Variants in CDH18 observed in about 807,000 individuals in gnomAD.
CDH18 encodes the protein cadherin-18.
A neutral mutation model predicts 67.9 loss-of-function variants in CDH18; 31 were observed. That is an observed-to-expected ratio of 0.46 (90% CI 0.34 to 0.62). CDH18 has a LOEUF of 0.62. Among genes scored for constraint, CDH18 ranks in the 20% least tolerant of loss-of-function variants. CDH18 has a pLI of 0.01. For synonymous variants in CDH18, 362 were observed against 347.2 expected (o/e 1.04, Z -0.48); for missense variants, 890 against 975.5 (o/e 0.91, Z 1.17).
intron 10 of CDH18, among the ~76,000 whole-genome samples, chr5:19,508,865 C>CTTTTTTTTTTTT (rs35438564): frequency 7.8e-6 from 1 of 127,608 alleles, no homozygotes; most frequent in Non-Finnish European, 1.6e-5. Flanking sequence ...TCTTTCTTTT[C>CTTTTTTTTTTTT]TTTTTTTTTT....
At chr5:19,503,132 A>G in intron 10 of CDH18, 23 bp from the exon 11 acceptor site, 1 of 1,201,082 alleles carries the variant, frequency 8.3e-7, no homozygotes, top group African/African-American at 1.5e-5. Context: ...CAAACTCTAA[A>G]TCGTAAATTT....
chr5:19,855,823 A>G (rs1235636142), intron 2 of CDH18, among the ~76,000 whole-genome samples: 5 of 152,334 alleles, frequency 3.3e-5, no homozygotes, highest in South Asian at 2.1e-4. Context: ...AGAAGTTACT[A>G]TATTTGGAAA....
chr5:20,264,949 A>T (rs1744919858), intron 1 of CDH18, among the ~76,000 whole-genome samples: 1 of 152,112 alleles, frequency 6.6e-6, no homozygotes, highest in Non-Finnish European at 1.5e-5. Context: ...TGGCAATAAG[A>T]ACAAAGATTT....
chr5:19,629,977 T>A (rs1436843096), intron 5 of CDH18, among the ~76,000 whole-genome samples: 2 of 152,082 alleles, frequency 1.3e-5, no homozygotes, highest in Non-Finnish European at 2.9e-5. Flanking sequence ...CACTCCATCG[T>A]ACAGGCTGGA....
At chr5:20,492,822 T>A (rs529303902) in intron 1 of CDH18, among the ~76,000 whole-genome samples, 1 of 152,300 alleles carries the variant, frequency 6.6e-6, no homozygotes, top group South Asian at 2.1e-4. Context: ...GCAGAGATAT[T>A]TTGATAACAC....
intron 2 of CDH18, among the ~76,000 whole-genome samples, chr5:19,960,561 ATGTGTGTGTGTG>A (rs146985982): frequency 7.4e-5 from 9 of 121,520 alleles, no homozygotes; most frequent in Admixed American, 6.5e-4. Context: ...GTGTGTGTGT[ATGTGTGTGTGTG>A]TGTGTGTGTG....
intron 1 of CDH18, among the ~76,000 whole-genome samples, chr5:20,569,992 A>C (rs1758717314): frequency 6.6e-6 from 1 of 152,184 alleles, no homozygotes; most frequent in African/African-American, 2.4e-5. Flanking sequence ...ATATTAAAAG[A>C]TCAGTGCTTG....
chr5:20,272,420 A>T (rs544546699), intron 1 of CDH18, among the ~76,000 whole-genome samples: 2 of 152,202 alleles, frequency 1.3e-5, no homozygotes, highest in South Asian at 4.1e-4. Flanking sequence ...GAAGGCTTTG[A>T]CACAGTATGT....
chr5:20,049,926 A>C (rs1048393231), intron 2 of CDH18, among the ~76,000 whole-genome samples: 2 of 151,796 alleles, frequency 1.3e-5, no homozygotes, highest in African/African-American at 4.8e-5. Context: ...AAACAAACTT[A>C]ATTATATTAA....
chr5:19,519,320 C>T (rs966254429), intron 10 of CDH18, among the ~76,000 whole-genome samples: 4 of 152,122 alleles, frequency 2.6e-5, no homozygotes, highest in African/African-American at 9.7e-5. Flanking sequence ...TTTAGCAAGC[C>T]TCACAATTGT....
At chr5:20,085,311 C>T (rs1744847581) in intron 2 of CDH18, among the ~76,000 whole-genome samples, 1 of 152,148 alleles carries the variant, frequency 6.6e-6, no homozygotes, top group African/African-American at 2.4e-5. Flanking sequence ...CACCAAGTCC[C>T]TCATCTCCAT....
chr5:20,212,385 C>A (rs1188281407), intron 2 of CDH18, among the ~76,000 whole-genome samples: 6 of 152,108 alleles, frequency 3.9e-5, no homozygotes, highest in African/African-American at 1.4e-4. Flanking sequence ...ACTTCCCCAA[C>A]CCAGCAAGGC....
chr5:19,766,761 G>C (rs562129830), intron 3 of CDH18, among the ~76,000 whole-genome samples: 3 of 152,044 alleles, frequency 2.0e-5, no homozygotes, highest in Non-Finnish European at 4.4e-5. Context: ...CTTCAAACTA[G>C]ATAGTTTCTA....
chr5:20,150,370 G>A (rs1009402956), intron 2 of CDH18, among the ~76,000 whole-genome samples: 33 of 152,038 alleles, frequency 2.2e-4, no homozygotes, highest in African/African-American at 8.0e-4. Flanking sequence ...ATAAAAAAGA[G>A]ACAGTAACAT....
At chr5:20,422,705 T>A (rs950993085) in intron 1 of CDH18, among the ~76,000 whole-genome samples, 2 of 151,174 alleles carry the variant, frequency 1.3e-5, no homozygotes, top group Non-Finnish European at 2.9e-5. Flanking sequence ...TTCATAACCT[T>A]AATCACAATA....
intron 9 of CDH18, among the ~76,000 whole-genome samples, chr5:19,528,372 A>T (rs1561273538): frequency 1.3e-5 from 2 of 151,688 alleles, no homozygotes; most frequent in Non-Finnish European, 3.0e-5. Flanking sequence ...TTATAAGTTT[A>T]TTCTTTCTTT....
intron 1 of CDH18, among the ~76,000 whole-genome samples, chr5:20,535,429 T>C (rs1322434001): frequency 6.6e-6 from 1 of 152,146 alleles, no homozygotes; most frequent in Non-Finnish European, 1.5e-5. Context: ...TAAGGACCCA[T>C]GTAATTACAT....
intron 1 of CDH18, among the ~76,000 whole-genome samples, chr5:20,438,371 C>T (rs1268766588): frequency 1.3e-5 from 2 of 151,050 alleles, no homozygotes; most frequent in Non-Finnish European, 3.0e-5. Flanking sequence ...TCTATATACC[C>T]CACATCTCTA....
intron 1 of CDH18, among the ~76,000 whole-genome samples, chr5:20,256,183 A>T (rs1744221129): frequency 6.6e-6 from 1 of 152,112 alleles, no homozygotes; most frequent in African/African-American, 2.4e-5. Context: ...GTATGTATAC[A>T]CAACATAATG....
Sources: gnomAD v4.1 joint callset for allele counts (sites outside exome capture counted in the v4.1 genomes callset) on GRCh38, gnomAD v4.1.1 for gene constraint, MANE v1.5 for transcripts, NCBI Gene and HGNC (gene_info 2026-07-23, HGNC 2026-07-21) for gene names.